SGCD: variants seen among roughly 807,000 people sequenced by gnomAD.
SGCD encodes the protein sarcoglycan delta, also known as delta-sarcoglycan.
In SGCD, 18 loss-of-function variants were observed where a neutral mutation model predicts 36.6. The observed-to-expected ratio is 0.49, with a 90% CI of 0.34 to 0.73. The LOEUF (loss-of-function observed/expected upper bound fraction) is 0.73, where lower values mean the gene tolerates loss of function less well. Ranked by LOEUF, SGCD falls within the 30% of genes least tolerant of loss-of-function variation. The pLI is 0.01. For synonymous variants in SGCD, 133 were observed against 130.6 expected (o/e 1.02, Z -0.12); for missense variants, 387 against 346.7 (o/e 1.12, Z -0.92).
intron 3 of SGCD, among the ~76,000 whole-genome samples, chr5:156,272,218 A>G (rs1437674136): frequency 5.9e-5 from 9 of 152,118 alleles, no homozygotes; most frequent in Non-Finnish European, 1.2e-4. Context: ...TATTGTGCCT[A>G]TGCCTCTGCA....
At chr5:156,700,830 C>A (rs1322592540) in intron 7 of SGCD, among the ~76,000 whole-genome samples, 1 of 151,272 alleles carries the variant, frequency 6.6e-6, no homozygotes, top group East Asian at 1.9e-4. Flanking sequence ...GTGGTCCCAG[C>A]TTCTCAAGAG....
At chr5:155,792,433 C>CAAAAAA in the SGCD span, among the ~76,000 whole-genome samples, 9 of 92,308 alleles carry the variant, frequency 9.7e-5, no homozygotes, top group African/African-American at 1.7e-4. Flanking sequence ...TTCTACATAG[C>CAAAAAA]AAAAAAAAAA....
chr5:156,135,797 G>A (rs1411071555), intron 3 of SGCD, among the ~76,000 whole-genome samples: 1 of 152,106 alleles, frequency 6.6e-6, no homozygotes, highest in Non-Finnish European at 1.5e-5. Flanking sequence ...TGTCCCTGGA[G>A]ATTTTTTGGG....
At chr5:155,733,426 TC>T in the SGCD span, among the ~76,000 whole-genome samples, 1 of 152,212 alleles carries the variant, frequency 6.6e-6, no homozygotes, top group Non-Finnish European at 1.5e-5. Context: ...TGTTTTGTCA[TC>T]TTTCCCTTTT....
intron 6 of SGCD, among the ~76,000 whole-genome samples, chr5:156,617,896 A>C (rs1338599717): frequency 6.6e-6 from 1 of 152,190 alleles, no homozygotes; most frequent in Non-Finnish European, 1.5e-5. Context: ...AAGGTGAAGC[A>C]ACTCAAAAGG....
At chr5:156,607,119 G>A (rs1043720054) in intron 6 of SGCD, among the ~76,000 whole-genome samples, 8 of 152,146 alleles carry the variant, frequency 5.3e-5, no homozygotes, top group Admixed American at 3.3e-4. Context: ...TCCCTGTCTT[G>A]TGCCAGTTTT....
At chr5:156,539,960 GGAGTCAAAAACCTTCT>G (rs1184166069) in intron 4 of SGCD, among the ~76,000 whole-genome samples, 2 of 152,070 alleles carry the variant, frequency 1.3e-5, no homozygotes, top group Non-Finnish European at 2.9e-5. Flanking sequence ...ACGAGTTCAT[GGAGTCAAAAACCTTCT>G]GAGCACCATA....
intron 6 of SGCD, among the ~76,000 whole-genome samples, chr5:156,608,302 C>A (rs1247205783): frequency 6.6e-6 from 1 of 152,148 alleles, no homozygotes; most frequent in Non-Finnish European, 1.5e-5. Flanking sequence ...TCGTTATGTA[C>A]CCAGTAGTCA....
At chr5:155,958,296 C>G (rs1019258508) in intron 1 of SGCD, among the ~76,000 whole-genome samples, 1 of 152,082 alleles carries the variant, frequency 6.6e-6, no homozygotes, top group African/African-American at 2.4e-5. Context: ...ATGAACTAAA[C>G]TAATTCTCAG....
chr5:155,727,884 C>A, the SGCD span, among the ~76,000 whole-genome samples: 3 of 152,324 alleles, frequency 2.0e-5, no homozygotes, highest in East Asian at 3.9e-4. Context: ...TGTTTCTTAA[C>A]CCCTTTCTTC....
At chr5:155,843,111 T>C in the SGCD span, among the ~76,000 whole-genome samples, 1 of 152,248 alleles carries the variant, frequency 6.6e-6, no homozygotes, top group Non-Finnish European at 1.5e-5. Flanking sequence ...GAAATGATTG[T>C]ACAAAGCAAT....
At chr5:155,876,442 T>G (rs1299945450) in intron 1 of SGCD, among the ~76,000 whole-genome samples, 1 of 151,978 alleles carries the variant, frequency 6.6e-6, no homozygotes, top group Non-Finnish European at 1.5e-5. Flanking sequence ...ATGGAAGTGG[T>G]TGTGTTATAT....
At chr5:156,602,259 A>C (rs1170522218) in intron 6 of SGCD, among the ~76,000 whole-genome samples, 1 of 152,168 alleles carries the variant, frequency 6.6e-6, no homozygotes, top group Non-Finnish European at 1.5e-5. Flanking sequence ...CACTGTTAGC[A>C]TATAGAAATG....
chr5:155,733,304 C>T, the SGCD span, among the ~76,000 whole-genome samples: 1 of 152,196 alleles, frequency 6.6e-6, no homozygotes, highest in East Asian at 1.9e-4. Flanking sequence ...CTATCACACA[C>T]ACTCTGTCTC....
intron 3 of SGCD, among the ~76,000 whole-genome samples, chr5:156,288,573 C>A (rs1176940339): frequency 6.6e-6 from 1 of 152,158 alleles, no homozygotes; most frequent in Admixed American, 6.6e-5. Flanking sequence ...GAATCTCCAA[C>A]ACAGTGAAAA....
chr5:156,223,719 C>T (rs768565783), intron 3 of SGCD, among the ~76,000 whole-genome samples: 3 of 151,938 alleles, frequency 2.0e-5, no homozygotes, highest in Non-Finnish European at 4.4e-5. Flanking sequence ...CACAGCAGTA[C>T]GTGGTGACAG....
chr5:156,728,709 T>C (rs779698398), intron 7 of SGCD, among the ~76,000 whole-genome samples: 1 of 151,950 alleles, frequency 6.6e-6, no homozygotes, highest in Admixed American at 6.6e-5. Flanking sequence ...TAGAGTAGCA[T>C]TTTTTTCAAC....
chr5:155,883,278 A>G (rs760040835), intron 1 of SGCD, among the ~76,000 whole-genome samples: 40 of 152,294 alleles, frequency 2.6e-4, no homozygotes, highest in Non-Finnish European at 5.3e-4. Context: ...GAGCAATTTT[A>G]ATTTTCTTTG....
chr5:156,016,713 A>G (rs1758988164), intron 1 of SGCD, among the ~76,000 whole-genome samples: 1 of 152,044 alleles, frequency 6.6e-6, no homozygotes, highest in Non-Finnish European at 1.5e-5. Context: ...CTCTCCATGC[A>G]CTTCATGGAG....
Sources: allele counts gnomAD v4.1 joint callset (sites outside exome capture counted in the v4.1 genomes callset), GRCh38; gene constraint gnomAD v4.1.1; transcripts MANE v1.5; gene names NCBI Gene and HGNC (gene_info 2026-07-23, HGNC 2026-07-21).